The following GRIP2 variants were observed in gnomAD, a reference collection of about 807,000 sequenced individuals.
The protein encoded by GRIP2 is glutamate receptor interacting protein 2, also known as glutamate receptor-interacting protein 2.
A neutral mutation model predicts 108.3 loss-of-function variants in GRIP2; 58 were observed. The ratio of observed to expected loss-of-function variants is 0.54; its 90% confidence interval spans 0.43 to 0.67. The LOEUF is 0.67. Ranked by LOEUF, GRIP2 falls within the 30% of genes least tolerant of loss-of-function variation. The pLI is 0.00. For synonymous variants in GRIP2, 586 were observed against 598.2 expected, an observed-to-expected ratio of 0.98 and a Z score of 0.30; for missense variants, 1,278 against 1,430.6, an observed-to-expected ratio of 0.89 and a Z score of 1.72.
chr3:14,528,168 G>A (rs1575019422), intron 1 of GRIP2, among the ~76,000 whole-genome samples: 2 of 152,262 alleles, frequency 1.3e-5, no homozygotes, highest in East Asian at 1.9e-4. Flanking sequence ...CAGTATGTAC[G>A]CTTTTGAGTC....
intron 21 of GRIP2, among the ~76,000 whole-genome samples, chr3:14,502,644 T>C (rs2124854319): frequency 6.6e-6 from 1 of 152,302 alleles, no homozygotes; most frequent in African/African-American, 2.4e-5. Context: ...AAATCTGGGA[T>C]GCAGCCAAAG....
intron 21 of GRIP2, among the ~76,000 whole-genome samples, chr3:14,501,664 A>AACTCATTAAAG (rs1693767630): frequency 6.6e-6 from 1 of 152,240 alleles, no homozygotes; most frequent in Non-Finnish European, 1.5e-5. Flanking sequence ...TAAAGCAGTA[A>AACTCATTAAAG]CAGTGGTGAT....
rs373604526 is a variant in GRIP2 at position 14,520,601 on chromosome 3, C to A, written c.713-64G>T. The stretch of plus-strand genomic sequence containing the variant: ...CGAGCACTTTCCTCCCCAGCCTCAC[C>A]CTGCTATCCTGATTTAATCCTTGCT... On this transcript the variant is annotated intron_variant, in intron 7 of 23. Coordinates refer to ENST00000621039, the MANE Select transcript of GRIP2 (RefSeq NM_001080423.4). The A allele has an allele frequency of 4.0e-4, 619 of 1,550,130 alleles. 7 individuals are homozygous for A. In the South Asian group the frequency reaches 6.7e-3, roughly 17 times the overall value.
intron 13 of GRIP2, among the ~76,000 whole-genome samples, chr3:14,513,205 T>C (rs1402533003): frequency 1.3e-5 from 2 of 152,066 alleles, no homozygotes; most frequent in African/African-American, 2.4e-5. Flanking sequence ...CGTGGCTGGG[T>C]ATTTTCATGT....
Position 14,493,740 on chromosome 3 carries a change from G to T in GRIP2, c.3057C>A (p.Ile1019=). ...TGTGTGCCGTGTGCGGCTTGCGGCT[G>T]ATGATCAGCTCCAAGACATCACCCG... The part of the protein sequence containing the change: ...AEAGDVLELI[I]SRKPHTAHSS... The change falls in exon 24 of 24, where the codon ATC becomes ATA. Residue 1019 remains isoleucine, a synonymous_variant. Transcript: ENST00000621039. 6.2e-7 allele frequency: 1 copy of T among 1,610,264 alleles called. No homozygotes were observed. Among genetic ancestry groups the T allele is most frequent in the African/African-American group, 1.3e-5 (1 of 75,042 alleles).
upstream of GRIP2, among the ~76,000 whole-genome samples, chr3:14,541,217 C>A (rs867735535): frequency 6.6e-6 from 1 of 152,248 alleles, no homozygotes; most frequent in Middle Eastern, 3.2e-3. Flanking sequence ...ACCCAATTTC[C>A]CCTGCCCTCC....
chr3:14,546,671 G>A (rs541900625), upstream of GRIP2, among the ~76,000 whole-genome samples: 397 of 152,302 alleles, frequency 2.6e-3, 3 homozygotes, highest in African/African-American at 8.9e-3. Flanking sequence ...CGAGGCACAG[G>A]GCGTGGAGGG....
chr3:14,505,305 G>A lies in GRIP2; in HGVS notation c.2573+310C>T, dbSNP rs989752610. ...CATCAGGCCATCTGGGGTAAGTCAG[G>A]TGGGCCTGGGTTCAAGTTCTGAGTC... On this transcript the variant is annotated intron_variant, in intron 20 of 23. Coordinates refer to ENST00000621039, the MANE Select transcript of GRIP2 (RefSeq NM_001080423.4). This position sits in a 1 kb window ranked among gnomAD's most constrained non-coding sequence, Gnocchi z 4.2. 6.6e-6 allele frequency among the ~76,000 whole-genome samples: 1 copy of A among 152,142 alleles called. No individual in the cohort carries two copies. Among genetic ancestry groups the A allele is most frequent in the Admixed American group, 6.5e-5 (1 of 15,292 alleles).
chr3:14,580,992 G>T, the GRIP2 span, among the ~76,000 whole-genome samples: 1 of 139,940 alleles, frequency 7.1e-6, no homozygotes, highest in East Asian at 2.2e-4. Context: ...CTGCCCTGCA[G>T]ATTACTGACT....
the GRIP2 span, among the ~76,000 whole-genome samples, chr3:14,562,666 A>T: frequency 6.6e-6 from 1 of 152,084 alleles, no homozygotes; most frequent in Non-Finnish European, 1.5e-5. Flanking sequence ...CCTTTTTGCA[A>T]TCCTAGTGAA....
the GRIP2 span, among the ~76,000 whole-genome samples, chr3:14,572,035 T>C: frequency 6.6e-6 from 1 of 152,150 alleles, no homozygotes; most frequent in Admixed American, 6.5e-5. Flanking sequence ...TATTCTAAAA[T>C]ATATCTCAAT....
chr3:14,553,018 C>G (rs1695177016), intron 1 of GRIP2, among the ~76,000 whole-genome samples: 1 of 152,176 alleles, frequency 6.6e-6, no homozygotes, highest in Admixed American at 6.5e-5. Context: ...TCCACCCTGC[C>G]TCCCTCCTCT....
At chr3:14,574,035 A>T in the GRIP2 span, 2 of 1,491,138 alleles carry the variant, frequency 1.3e-6, no homozygotes, top group Non-Finnish European at 1.9e-6. Context: ...GCTGGGCCCG[A>T]TCCAGAAGTT....
chr3:14,581,761 T>C, the GRIP2 span, among the ~76,000 whole-genome samples: 18 of 152,328 alleles, frequency 1.2e-4, no homozygotes, highest in East Asian at 1.9e-4. Context: ...AATATGAGCA[T>C]TGAAGGTCTC....
At chr3:14,514,252 G>GTTAC (rs10656368) in intron 12 of GRIP2, 40 bp downstream of exon 12, 3 of 1,514,190 alleles carry the variant, frequency 2.0e-6, no homozygotes, top group East Asian at 4.9e-5. Flanking sequence ...GTTTCTCTCA[G>GTTAC]AGAGTGGCAG....
chr3:14,565,454 T>C, the GRIP2 span, among the ~76,000 whole-genome samples: 1 of 151,992 alleles, frequency 6.6e-6, no homozygotes, highest in African/African-American at 2.4e-5. Context: ...TCTCAGGCCC[T>C]CACAAACACA....
chr3:14,529,227 C>T (rs1169767553), intron 1 of GRIP2, among the ~76,000 whole-genome samples: 2 of 148,090 alleles, frequency 1.4e-5, no homozygotes, highest in African/African-American at 5.1e-5. Flanking sequence ...GGCAGTGAGC[C>T]GAGACCGTGC....
At chr3:14,540,357 C>A (rs759074156), upstream of GRIP2, 1 of 1,612,012 alleles carries the variant, frequency 6.2e-7, no homozygotes, top group East Asian at 2.2e-5. The surrounding 1 kb of genome is among the most constrained non-coding windows in gnomAD (Gnocchi z 4.1). Flanking sequence ...GGGAGCCACG[C>A]TGCTTGGCCC....
At chr3:14,582,121 C>A in the GRIP2 span, among the ~76,000 whole-genome samples, 2 of 152,198 alleles carry the variant, frequency 1.3e-5, no homozygotes, top group Non-Finnish European at 2.9e-5. Context: ...GTTATACTCC[C>A]ACTGCAGGGT....
Sources: allele counts gnomAD v4.1 joint callset (sites outside exome capture counted in the v4.1 genomes callset), GRCh38; gene constraint gnomAD v4.1.1; non-coding constraint Gnocchi (gnomAD v3.1); transcripts MANE v1.5; gene names NCBI Gene and HGNC (gene_info 2026-07-23, HGNC 2026-07-21).